Variants in UBASH3B observed in about 807,000 individuals in gnomAD.
UBASH3B encodes the protein ubiquitin-associated and SH3 domain-containing protein B.
UBASH3B carries 37 observed loss-of-function variants against 83.4 expected under a neutral mutation model. The ratio of observed to expected loss-of-function variants is 0.44; its 90% CI spans 0.34 to 0.58. The LOEUF (loss-of-function observed/expected upper bound fraction) is 0.58. Among genes scored for constraint, UBASH3B ranks in the 20% least tolerant of loss-of-function variants. The pLI, the probability that UBASH3B is intolerant of heterozygous loss-of-function variation, is 0.01. For missense variants in UBASH3B, 657 were observed against 827.2 expected (o/e 0.79, Z 2.52); for synonymous variants, 304 against 318.3 (o/e 0.96, Z 0.48).
chr11:122,812,629 G>A lies in UBASH3B; in HGVS notation c.*2743G>A, dbSNP rs781749956. 1.3e-5 allele frequency: 2 copies of A among 152,214 alleles called. No individual in the cohort carries two copies. Among genetic ancestry groups the A allele is most frequent in the Non-Finnish European group, 2.9e-5 (2 of 68,046 alleles). 9.4% of individuals were successfully genotyped at this position (152,214 alleles called of 1,614,324 possible). The stretch of plus-strand genomic sequence containing the variant: ...GAAAGTTATTTGAAATAAACTAGGT[G>A]AAATGAAATTAACTAAAGGTTTTAA... On this transcript the variant is annotated 3_prime_UTR_variant, in exon 14 of 14. Coordinates refer to ENST00000284273, the MANE Select transcript of UBASH3B (RefSeq NM_032873.5).
chr11:122,762,348 C>T (rs1197026274), intron 1 of UBASH3B, among the ~76,000 whole-genome samples: 1 of 152,110 alleles, frequency 6.6e-6, no homozygotes, highest in Non-Finnish European at 1.5e-5. Context: ...GGAGTAAAGG[C>T]TTCAGGGATA....
chr11:122,686,390 AG>A (rs1362858920), intron 1 of UBASH3B, among the ~76,000 whole-genome samples: 1 of 152,252 alleles, frequency 6.6e-6, no homozygotes, highest in Non-Finnish European at 1.5e-5. Flanking sequence ...TCTGAGAGGA[AG>A]CACAAGGCTT....
chr11:122,754,231 C>G (rs1861248784), intron 1 of UBASH3B, among the ~76,000 whole-genome samples: 1 of 152,226 alleles, frequency 6.6e-6, no homozygotes, highest in African/African-American at 2.4e-5. Flanking sequence ...AAAAAGGGAG[C>G]CTGCCTTTCT....
intron 1 of UBASH3B, among the ~76,000 whole-genome samples, chr11:122,673,999 T>C (rs1278046846): frequency 1.3e-5 from 2 of 152,140 alleles, no homozygotes; most frequent in African/African-American, 4.8e-5. Context: ...TTGTTGTTTT[T>C]CCCACACACA....
chr11:122,765,110 T>G (rs946743368), intron 1 of UBASH3B, among the ~76,000 whole-genome samples: 3 of 151,972 alleles, frequency 2.0e-5, no homozygotes, highest in Non-Finnish European at 2.9e-5. Context: ...ATGTCTAGAC[T>G]TGCACCCACA....
In UBASH3B at chr11:122,814,265, T is replaced by C. The variant is rs956756140; in HGVS notation, c.*4379T>C. 3 of 152,608 alleles carry C rather than the reference T, an allele frequency of 2.0e-5. No individual in the cohort carries two copies. Among genetic ancestry groups the C allele is most frequent in the African/African-American group, 7.2e-5 (3 of 41,436 alleles). The allele number at this position is 152,608 out of a possible 1,614,324, so 9.5% of individuals were successfully genotyped here. A position where few individuals can be genotyped will look rare whatever the true frequency, so the allele number is the denominator to read the frequency against. On this transcript the variant is annotated 3_prime_UTR_variant, in exon 14 of 14. Coordinates refer to ENST00000284273, the MANE Select transcript of UBASH3B (RefSeq NM_032873.5). ...TTTGTATGTGATTCAGGTGTATTTA[T>C]TTGAAGACTATTTGTAGTTATAGGA...
At chr11:122,720,852 A>G (rs1382484087) in intron 1 of UBASH3B, among the ~76,000 whole-genome samples, 2 of 152,066 alleles carry the variant, frequency 1.3e-5, no homozygotes, top group South Asian at 4.1e-4. Context: ...CCTCTCCCCT[A>G]GAATATAAAC....
At position 122,758,784 on chromosome 11, in the gene UBASH3B, C is replaced by A. The variant is rs1233189296; in HGVS notation, c.162-17435C>A. Among the ~76,000 whole-genome samples the A allele has an allele frequency of 1.3e-5, 2 of 152,306 alleles. No individual in the cohort carries two copies. Among genetic ancestry groups the A allele is most frequent in the Admixed American group, 1.3e-4 (2 of 15,300 alleles). The stretch of plus-strand genomic sequence containing the variant: ...TTTAACTGATGGCAGGAGCGAAATG[C>A]AATGAATTCAGATCAGCAATTTCCA... On this transcript the variant is annotated intron_variant, in intron 1 of 13. Coordinates refer to ENST00000284273, the MANE Select transcript of UBASH3B (RefSeq NM_032873.5). This position sits in a 1 kb window ranked among gnomAD's most constrained non-coding sequence, Gnocchi z 4.2.
chr11:122,712,034 ATTTT>A (rs9326263), intron 1 of UBASH3B, among the ~76,000 whole-genome samples: 29 of 145,574 alleles, frequency 2.0e-4, no homozygotes, highest in African/African-American at 4.5e-4. Flanking sequence ...TGCCAGCTGC[ATTTT>A]TTTTTTTTTT....
At chr11:122,710,488 G>A (rs1204358436) in intron 1 of UBASH3B, among the ~76,000 whole-genome samples, 1 of 152,226 alleles carries the variant, frequency 6.6e-6, no homozygotes, top group Non-Finnish European at 1.5e-5. Context: ...AGAAGGCTCA[G>A]GGACATTAAG....
chr11:122,697,525 C>T (rs573233616), intron 1 of UBASH3B, among the ~76,000 whole-genome samples: 4 of 152,280 alleles, frequency 2.6e-5, no homozygotes, highest in Admixed American at 6.5e-5. Flanking sequence ...CATTAATGAC[C>T]GTACTGAAGC....
At chr11:122,684,346 G>A (rs1331414759) in intron 1 of UBASH3B, among the ~76,000 whole-genome samples, 2 of 152,152 alleles carry the variant, frequency 1.3e-5, no homozygotes, top group African/African-American at 4.8e-5. Flanking sequence ...GTCCTGGCCT[G>A]GGGTTGCTTA....
chr11:122,797,445 G>A (rs949499532), intron 9 of UBASH3B, among the ~76,000 whole-genome samples: 43 of 152,210 alleles, frequency 2.8e-4, no homozygotes, highest in African/African-American at 1.0e-3. Context: ...CTCTTTGCAA[G>A]CCCATTCCAT....
At chr11:122,664,346 G>GA (rs930989713) in intron 1 of UBASH3B, among the ~76,000 whole-genome samples, 3 of 152,120 alleles carry the variant, frequency 2.0e-5, no homozygotes, top group South Asian at 2.1e-4. Context: ...AGAGTGGGGA[G>GA]AAAAAACCAC....
In UBASH3B at chr11:122,796,137, A is replaced by T; in HGVS notation, c.1114-19A>T. On this transcript the variant is annotated intron_variant, in intron 7 of 13. Transcript: ENST00000284273. ...CTTTGCCATGTGTGTCTTCACTAAT[A>T]GCCTTTCTTTCTCTGCAGCCGCTGA... is the stretch of plus-strand genomic sequence containing the variant. The T allele has an allele frequency of 6.2e-7, 1 of 1,613,652 alleles. No individual in the cohort carries two copies. Among genetic ancestry groups the T allele is most frequent in the Non-Finnish European group, 8.5e-7 (1 of 1,179,750 alleles).
chr11:122,808,191 T>C lies in UBASH3B; in HGVS notation c.1812+15T>C, dbSNP rs779669252. On this transcript the variant is annotated intron_variant, in intron 13 of 13. Coordinates refer to ENST00000284273, the MANE Select transcript of UBASH3B (RefSeq NM_032873.5). ...TGGTCCGAAAGGTAATTCATTCTCG[T>C]ACTTTGGGGTCCGTGATGGCTAGTA... 7 of 1,605,170 alleles carry C rather than the reference T, an allele frequency of 4.4e-6. No individual in the cohort carries two copies.
intron 1 of UBASH3B, among the ~76,000 whole-genome samples, chr11:122,768,566 C>T (rs1418529979): frequency 6.6e-6 from 1 of 151,578 alleles, no homozygotes; most frequent in East Asian, 1.9e-4. Context: ...AGTGCAGTGG[C>T]ACAATCTCGG....
chr11:122,693,111 G>A (rs1159597661), intron 1 of UBASH3B, among the ~76,000 whole-genome samples: 1 of 152,118 alleles, frequency 6.6e-6, no homozygotes, highest in East Asian at 1.9e-4. Flanking sequence ...CAAGGGTGGG[G>A]AGAATGACAA....
At chr11:122,757,603 C>T (rs538420571) in intron 1 of UBASH3B, among the ~76,000 whole-genome samples, 3 of 152,076 alleles carry the variant, frequency 2.0e-5, no homozygotes, top group African/African-American at 7.2e-5. Context: ...AATCACCTTT[C>T]AGTCCCTGTT....
Sources: allele counts gnomAD v4.1 joint callset (sites outside exome capture counted in the v4.1 genomes callset), GRCh38; gene constraint gnomAD v4.1.1; non-coding constraint Gnocchi (gnomAD v3.1); transcripts MANE v1.5; gene names NCBI Gene and HGNC (gene_info 2026-07-23, HGNC 2026-07-21).